CMIP: variants seen among roughly 807,000 people sequenced by gnomAD.
CMIP encodes the protein c-Maf inducing protein, also known as C-Maf-inducing protein.
Under a neutral mutation model 97.3 loss-of-function variants are expected in CMIP, and 13 were observed. The ratio of observed to expected loss-of-function variants is 0.13; its 90% CI spans 0.09 to 0.21. The LOEUF is 0.21. Ranked by LOEUF, CMIP falls within the 10% of genes least tolerant of loss-of-function variation. The pLI, the probability that CMIP is intolerant of heterozygous loss-of-function variation, is 1.00. For missense variants in CMIP, 847 were observed against 1,024.9 expected, an observed-to-expected ratio of 0.83 and a Z score of 2.37; for synonymous variants, 538 against 436.3, an observed-to-expected ratio of 1.23 and a Z score of -2.91.
At chr16:81,470,896 T>C (rs1346817570) in intron 1 of CMIP, among the ~76,000 whole-genome samples, 1 of 152,250 alleles carries the variant, frequency 6.6e-6, no homozygotes, top group Non-Finnish European at 1.5e-5. Context: ...AAGAAATCCT[T>C]TCTTGGGAAA....
chr16:81,490,378 G>A (rs1283363049), intron 1 of CMIP, among the ~76,000 whole-genome samples: 1 of 152,226 alleles, frequency 6.6e-6, no homozygotes, highest in East Asian at 1.9e-4. Flanking sequence ...CCAGCACTTT[G>A]AGAGGCCAAG....
At chr16:81,490,698 C>T (rs1011854386) in intron 1 of CMIP, among the ~76,000 whole-genome samples, 4 of 152,166 alleles carry the variant, frequency 2.6e-5, no homozygotes, top group African/African-American at 9.7e-5. Flanking sequence ...GCAAAGGGAG[C>T]AGGTGTTTGT....
At chr16:81,668,876 CTCAT>C (rs368741428) in intron 7 of CMIP, among the ~76,000 whole-genome samples, 1,017 of 96,828 alleles carry the variant, frequency 0.011, 1 homozygote, top group East Asian at 0.025. Flanking sequence ...CCACCTCACA[CTCAT>C]TGCCTTCCGT....
intron 1 of CMIP, among the ~76,000 whole-genome samples, chr16:81,594,312 T>C (rs1467326437): frequency 6.6e-6 from 1 of 150,646 alleles, no homozygotes; most frequent in African/African-American, 2.4e-5. Context: ...AGAGACGGAG[T>C]TTCGCCATGT....
intron 1 of CMIP, among the ~76,000 whole-genome samples, chr16:81,511,590 T>C (rs2089811071): frequency 6.6e-6 from 1 of 152,230 alleles, no homozygotes; most frequent in Non-Finnish European, 1.5e-5. Context: ...ACACAAGGTC[T>C]CACTCTGTTG....
At chr16:81,518,193 T>A (rs1342859010) in intron 1 of CMIP, 1 of 152,260 alleles carries the variant, frequency 6.6e-6, no homozygotes, top group African/African-American at 2.4e-5. Flanking sequence ...CATTTCCTAT[T>A]TGGCTCTCAC....
intron 1 of CMIP, among the ~76,000 whole-genome samples, chr16:81,601,747 G>A (rs560602022): frequency 1.2e-3 from 180 of 152,192 alleles, no homozygotes; most frequent in Non-Finnish European, 1.4e-3. Context: ...AGCGTCCCCC[G>A]GGGCCAGAAC....
chr16:81,613,408 A>G (rs966995058), intron 2 of CMIP, among the ~76,000 whole-genome samples: 8 of 152,136 alleles, frequency 5.3e-5, no homozygotes, highest in African/African-American at 1.7e-4. Flanking sequence ...TTCCTGCCCA[A>G]CTTCCCTGGG....
At chr16:81,524,631 A>G (rs1391999585) in intron 1 of CMIP, among the ~76,000 whole-genome samples, 1 of 152,242 alleles carries the variant, frequency 6.6e-6, no homozygotes, top group African/African-American at 2.4e-5. Flanking sequence ...AGAGAGGTGA[A>G]GTAACTTGCC....
chr16:81,566,099 G>A (rs142167797), intron 1 of CMIP, among the ~76,000 whole-genome samples: 42 of 152,328 alleles, frequency 2.8e-4, no homozygotes, highest in African/African-American at 9.9e-4. Flanking sequence ...TTGGACAAGC[G>A]AGGCTTCTGC....
rs117045375 is a variant in CMIP at position 81,477,402 on chromosome 16, C to G, written c.300+31861C>G. On this transcript the variant is annotated intron_variant, in intron 1 of 20. Coordinates refer to ENST00000537098, the MANE Select transcript of CMIP (RefSeq NM_198390.3). ...TCTCGAACTCCTGGCCTCAGTTGAT[C>G]TGCCTGCCTTGGCCTCCCAAAGTGC... Among the ~76,000 whole-genome samples the G allele has an allele frequency of 3.4e-3, 514 of 152,322 alleles. 3 individuals are homozygous for G. Among genetic ancestry groups the G allele is most frequent in the East Asian group, 0.028 (145 of 5,182 alleles).
At position 81,650,935 on chromosome 16, in the gene CMIP, T is replaced by C. The variant is rs1430450425; in HGVS notation, c.478-1268T>C. ...ACAGAAGTAACCGTTCCACTTGGCA[T>C]GGAATGTGTCCCTCAGATACTTCCT... On this transcript the variant is annotated intron_variant, in intron 3 of 20. Transcript: ENST00000537098. Among the ~76,000 whole-genome samples the C allele has an allele frequency of 2.0e-5, 3 of 152,178 alleles. No individual in the cohort carries two copies. In the South Asian group the frequency reaches 6.2e-4, roughly 32 times the overall value.
At chr16:81,553,019 C>T (rs2090689486) in intron 1 of CMIP, among the ~76,000 whole-genome samples, 1 of 152,188 alleles carries the variant, frequency 6.6e-6, no homozygotes, top group Non-Finnish European at 1.5e-5. Flanking sequence ...CGTGACTTGT[C>T]AGCTGCTGTC....
chr16:81,615,286 G>T (rs1010921490), intron 2 of CMIP, among the ~76,000 whole-genome samples: 1 of 93,350 alleles, frequency 1.1e-5, no homozygotes, highest in African/African-American at 4.5e-5. Context: ...TGGCTGTGTG[G>T]TGTGTGTGCA....
chr16:81,595,481 C>T (rs1470152167), intron 1 of CMIP, among the ~76,000 whole-genome samples: 3 of 151,584 alleles, frequency 2.0e-5, no homozygotes, highest in Non-Finnish European at 4.4e-5. Context: ...TTCTGCCTGC[C>T]CTGTTCAAGC....
chr16:81,634,376 A>G (rs2150979243), intron 3 of CMIP, among the ~76,000 whole-genome samples: 1 of 152,340 alleles, frequency 6.6e-6, no homozygotes, highest in South Asian at 2.1e-4. Context: ...GCTGGAATTC[A>G]AACCCAGAGT....
chr16:81,530,507 C>T (rs1227801775), intron 1 of CMIP, among the ~76,000 whole-genome samples: 1 of 152,060 alleles, frequency 6.6e-6, no homozygotes, highest in Non-Finnish European at 1.5e-5. Context: ...CCGTCTGAGT[C>T]AGTGACTCAC....
intron 1 of CMIP, among the ~76,000 whole-genome samples, chr16:81,583,164 T>C (rs534378911): frequency 1.6e-3 from 239 of 152,338 alleles, no homozygotes; most frequent in African/African-American, 5.5e-3. Context: ...AAGGAATTGT[T>C]CCTGGGGTTG....
intron 1 of CMIP, among the ~76,000 whole-genome samples, chr16:81,477,779 T>C (rs768712131): frequency 2.8e-4 from 42 of 152,240 alleles, no homozygotes; most frequent in Non-Finnish European, 1.3e-4. Context: ...CCTCCGTTCT[T>C]AGCACCATGG....
Sources: allele counts gnomAD v4.1 joint callset (sites outside exome capture counted in the v4.1 genomes callset), GRCh38; gene constraint gnomAD v4.1.1; transcripts MANE v1.5; gene names NCBI Gene and HGNC (gene_info 2026-07-23, HGNC 2026-07-21).